The following TRANK1 variants were observed in gnomAD, a reference collection of about 807,000 sequenced individuals.
TRANK1 encodes the protein TPR and ankyrin repeat-containing protein 1.
TRANK1 carries 198 observed loss-of-function variants against 266.0 expected under a neutral mutation model. That is an observed-to-expected ratio of 0.74 (90% CI 0.66 to 0.84). The LOEUF is 0.84. TRANK1 is among the 40% of genes least tolerant of loss of function. The pLI is 0.00. For synonymous variants in TRANK1, 1,396 were observed against 1,384.1 expected (o/e 1.01, Z -0.19); for missense variants, 3,326 against 3,634.6 (o/e 0.92, Z 2.18).
chr3:36,881,938 G>A (rs555269399), intron 8 of TRANK1, among the ~76,000 whole-genome samples: 4 of 152,266 alleles, frequency 2.6e-5, no homozygotes, highest in African/African-American at 7.2e-5. Flanking sequence ...TTTTATGGTT[G>A]AATAATATTC....
intron 9 of TRANK1, among the ~76,000 whole-genome samples, chr3:36,864,789 A>C (rs1400311301): frequency 6.6e-6 from 1 of 152,212 alleles, no homozygotes; most frequent in Non-Finnish European, 1.5e-5. Context: ...CATGTAAACA[A>C]GTCAGGCTAG....
At chr3:36,941,662 C>G (rs550370984) in intron 1 of TRANK1, among the ~76,000 whole-genome samples, 1 of 152,328 alleles carries the variant, frequency 6.6e-6, no homozygotes, top group East Asian at 1.9e-4. Flanking sequence ...GCCTGTTTAT[C>G]TGGCTCAATA....
At chr3:36,851,148 T>C in intron 15 of TRANK1, 1 of 985,440 alleles carries the variant, frequency 1.0e-6, no homozygotes. Flanking sequence ...TCACTGGGGG[T>C]CAATGTGGGG....
At chr3:36,881,572 C>G (rs984403342) in intron 8 of TRANK1, among the ~76,000 whole-genome samples, 5 of 152,178 alleles carry the variant, frequency 3.3e-5, no homozygotes, top group African/African-American at 1.2e-4. Context: ...GAGATCACAT[C>G]ACTGCACTCC....
At position 36,852,207 on chromosome 3, in the gene TRANK1, A is replaced by C. The variant is rs1341542873; in HGVS notation, c.4688T>G (p.Leu1563Trp). The change falls in exon 14 of 24, where the codon TTG becomes TGG. Residue 1563 changes from leucine (L) to tryptophan (W), a missense_variant. Coordinates refer to ENST00000645898, the MANE Select transcript of TRANK1 (RefSeq NM_001329998.2). ...TTTATTCCCTCGTAGCAAAATTGCCAAGTCGCTTACACTACAAGACTCCAG... is the reference window on the plus strand; with the variant it reads ...TTTATTCCCTCGTAGCAAAATTGCCCAGTCGCTTACACTACAAGACTCCAG... ...TVLESCSVSD[L>W]AILLRGNKRK... 1 of 1,611,000 alleles carries C rather than the reference A, an allele frequency of 6.2e-7. No homozygotes were observed. Among genetic ancestry groups the C allele is most frequent in the Non-Finnish European group, 8.5e-7 (1 of 1,179,256 alleles).
rs567479467 is a variant in TRANK1 at position 36,942,848 on chromosome 3, T to C, written c.23+1939A>G. On this transcript the variant is annotated intron_variant, in intron 1 of 23. Transcript: ENST00000645898. The stretch of plus-strand genomic sequence containing the variant: ...TAAAGCTGGTCAGTCGGTCATAAAG[T>C]GAAGTTAACAATTTATGACCCGCTT... Among the ~76,000 whole-genome samples the C allele has an allele frequency of 2.8e-5, 4 of 145,302 alleles. No homozygotes were observed. The East Asian group carries it at 6.0e-4, about 22-fold the overall frequency.
At chr3:36,928,763 A>G (rs2080322800) in intron 1 of TRANK1, among the ~76,000 whole-genome samples, 1 of 152,208 alleles carries the variant, frequency 6.6e-6, no homozygotes, top group Non-Finnish European at 1.5e-5. Flanking sequence ...TTATATTTTC[A>G]AGACTTATAT....
At chr3:36,878,282 C>A (rs1156552918) in intron 8 of TRANK1, among the ~76,000 whole-genome samples, 2 of 152,166 alleles carry the variant, frequency 1.3e-5, no homozygotes, top group African/African-American at 4.8e-5. Context: ...CCAAAACCAT[C>A]CTCTTCTCCC....
In TRANK1 at chr3:36,851,815, T is replaced by C; in HGVS notation, c.4791A>G (p.Pro1597=). 1 of 1,608,358 alleles carries C rather than the reference T, an allele frequency of 6.2e-7. No homozygotes were observed. Among genetic ancestry groups the C allele is most frequent in the Non-Finnish European group, 8.5e-7 (1 of 1,177,274 alleles). ...VANETAKEKI[P]EELGLALVLT... is the part of the protein sequence containing the mutation. ...GCACAAGTGCTAACCCCAGCTCTTC[T>C]GGAATTTTCTCCTTTGCCGTTTCAT... The change falls in exon 15 of 24, where the codon CCA becomes CCG. Residue 1597 remains proline (P), a synonymous_variant. Transcript: ENST00000645898.
rs5847943 is a variant in TRANK1 at position 36,929,146 on chromosome 3, ATTT to A, written c.23+15638_23+15640del. On this transcript the variant is annotated intron_variant, in intron 1 of 23. Coordinates refer to ENST00000645898, the MANE Select transcript of TRANK1 (RefSeq NM_001329998.2). Reference sequence around the variant, plus strand: ...TAAAATACATATTTATAAAACATTAATTTTTTTTTTTTTTTTGAGATGGAGTCT... The same window carrying A: ...TAAAATACATATTTATAAAACATTAATTTTTTTTTTTTTGAGATGGAGTCT... 8.2e-4 allele frequency among the ~76,000 whole-genome samples: 118 copies of A among 144,076 alleles called. 1 individual carries two copies. The East Asian group carries it at 0.016, about 19-fold the overall frequency. 94.5% of individuals were successfully genotyped at this position (144,076 alleles called of 152,430 possible). A position where few individuals can be genotyped will look rare whatever the true frequency, so the allele number is the denominator to read the frequency against.
chr3:36,857,665 T>C lies in TRANK1; in HGVS notation c.2057A>G (p.Lys686Arg). 6.2e-7 allele frequency: 1 copy of C among 1,614,022 alleles called. No homozygotes were observed. The highest frequency in any genetic ancestry group is 8.5e-7 in the Non-Finnish European group (1 of 1,179,894). The change falls in exon 13 of 24, where the codon AAG (lysine) becomes AGG (arginine). Residue 686 changes from lysine to arginine, a missense_variant. Lys to Arg is a conservative substitution (Grantham distance 26). Transcript: ENST00000645898. The surrounding 1 kb of genome is among the most constrained non-coding windows in gnomAD (Gnocchi z 4.3). ...TSQLKSQGSF[K>R]SVPCGATART... ...GGCAGTGGCACCACATGGCACTGAC[T>C]TGAATGAACCCTGGGACTTGAGCTG...
chr3:36,932,489 G>C (rs1044192219), intron 1 of TRANK1, among the ~76,000 whole-genome samples: 5 of 152,230 alleles, frequency 3.3e-5, no homozygotes, highest in Non-Finnish European at 5.9e-5. Flanking sequence ...CTTGAACCTG[G>C]GAGGTGGAGG....
intron 8 of TRANK1, among the ~76,000 whole-genome samples, chr3:36,879,812 G>GTAAATATA (rs1201510402): frequency 1.2e-5 from 1 of 86,388 alleles, no homozygotes; most frequent in Admixed American, 1.2e-4. Flanking sequence ...ACAAATATAT[G>GTAAATATA]TAAATATACA....
chr3:36,898,844 T>C (rs1482580206), intron 4 of TRANK1, among the ~76,000 whole-genome samples: 2 of 132,910 alleles, frequency 1.5e-5, no homozygotes, highest in Non-Finnish European at 3.1e-5. Context: ...AATAAGACTC[T>C]GTCTCAAAAA....
At chr3:36,892,408 T>G in intron 6 of TRANK1, 68 bp from the exon 7 acceptor site, 2 of 1,508,550 alleles carry the variant, frequency 1.3e-6, no homozygotes, top group Non-Finnish European at 1.8e-6. Flanking sequence ...CAAACTCCTT[T>G]ACCCATAAAG....
intron 1 of TRANK1, among the ~76,000 whole-genome samples, chr3:36,940,351 T>A (rs1361866934): frequency 1.3e-5 from 2 of 151,760 alleles, no homozygotes; most frequent in Admixed American, 6.6e-5. Flanking sequence ...TACAAAAAAA[T>A]TAGCCGGGCG....
At chr3:36,907,138 A>C (rs1440063480) in intron 2 of TRANK1, among the ~76,000 whole-genome samples, 1 of 152,086 alleles carries the variant, frequency 6.6e-6, no homozygotes, top group African/African-American at 2.4e-5. Flanking sequence ...CATGTAATAG[A>C]TTTACTGATA....
rs2079706884 is a variant in TRANK1 at position 36,892,145 on chromosome 3, T to C, written c.775+57A>G. 16 of 1,515,154 alleles carry C rather than the reference T, an allele frequency of 1.1e-5. 1 individual carries two copies. The highest frequency in any genetic ancestry group is 6.3e-5 in the Admixed American group (3 of 47,620). 93.9% of individuals were successfully genotyped at this position (1,515,154 alleles called of 1,614,324 possible). A position where few individuals can be genotyped will look rare whatever the true frequency, so the allele number is the denominator to read the frequency against. ...CTAGTTTCACTTGAGCTCAACAGAG[T>C]TCCAGAACTAGGCTAGAAGGGCAGC... On this transcript the variant is annotated intron_variant, in intron 7 of 23. Transcript: ENST00000645898.
chr3:36,850,399 C>T (rs2078970467), intron 15 of TRANK1: 6 of 985,290 alleles, frequency 6.1e-6, no homozygotes, highest in Non-Finnish European at 7.2e-6. Context: ...AGATTTAGAA[C>T]TCAAAGCATC....
Sources: allele counts gnomAD v4.1 joint callset (sites outside exome capture counted in the v4.1 genomes callset), GRCh38; gene constraint gnomAD v4.1.1; non-coding constraint Gnocchi (gnomAD v3.1); transcripts MANE v1.5; gene names NCBI Gene and HGNC (gene_info 2026-07-23, HGNC 2026-07-21).